Variants in PAX5 observed in about 807,000 individuals in gnomAD.
PAX5 encodes the protein paired box 5.
Under a neutral mutation model 43.7 loss-of-function variants are expected in PAX5, and 9 were observed. The observed-to-expected ratio is 0.21, with a 90% CI of 0.12 to 0.36. The LOEUF (loss-of-function observed/expected upper bound fraction) is 0.36, where lower values mean the gene tolerates loss of function less well. Among genes scored for constraint, PAX5 ranks in the 10% least tolerant of loss-of-function variants. The pLI is 1.00. For synonymous variants in PAX5, 228 were observed against 214.3 expected (o/e 1.06, Z -0.56); for missense variants, 383 against 532.7 (o/e 0.72, Z 2.77).
At chr9:36,946,052 G>A (rs750884075) in intron 6 of PAX5, among the ~76,000 whole-genome samples, 1 of 152,160 alleles carries the variant, frequency 6.6e-6, no homozygotes, top group African/African-American at 2.4e-5. Flanking sequence ...ACTCTGCAGT[G>A]CTCCATCAGG....
At chr9:37,006,423 A>C (rs200041679) in intron 4 of PAX5, 50 bp downstream of exon 4, 1 of 1,319,912 alleles carries the variant, frequency 7.6e-7, no homozygotes, top group Non-Finnish European at 1.1e-6. Flanking sequence ...GTTCTTTAGA[A>C]TATTTGGAGC....
chr9:36,933,373 A>C (rs1277921194), intron 6 of PAX5, among the ~76,000 whole-genome samples: 1 of 152,092 alleles, frequency 6.6e-6, no homozygotes, highest in Non-Finnish European at 1.5e-5. Flanking sequence ...TCATCCCTGC[A>C]TCTTCAGGGA....
intron 8 of PAX5, 138 bp downstream of exon 8, chr9:36,881,866 G>T: frequency 1.4e-6 from 1 of 696,708 alleles, no homozygotes; most frequent in South Asian, 1.7e-5. Context: ...CAGCTGCAGA[G>T]AGTGCAGACC....
intron 7 of PAX5, among the ~76,000 whole-genome samples, chr9:36,903,680 C>T (rs1420163334): frequency 6.6e-6 from 1 of 152,222 alleles, no homozygotes; most frequent in Non-Finnish European, 1.5e-5. Flanking sequence ...TCACCCAGGA[C>T]CTGCTAAGGC....
chr9:36,942,411 C>T (rs553339389), intron 6 of PAX5, among the ~76,000 whole-genome samples: 32 of 152,358 alleles, frequency 2.1e-4, no homozygotes, highest in African/African-American at 7.0e-4. Flanking sequence ...GGAATCATAG[C>T]GTCTGCTTGC....
intron 7 of PAX5, among the ~76,000 whole-genome samples, chr9:36,895,809 G>A (rs995705004): frequency 6.6e-6 from 1 of 152,178 alleles, no homozygotes; most frequent in African/African-American, 2.4e-5. Context: ...AAGTTCCACT[G>A]GGCAAAAAGC....
intron 7 of PAX5, among the ~76,000 whole-genome samples, chr9:36,902,558 C>A (rs1372999214): frequency 6.6e-6 from 1 of 152,188 alleles, no homozygotes; most frequent in Non-Finnish European, 1.5e-5. Context: ...CACTGATGGG[C>A]CCAGCCCTTA....
At chr9:36,880,645 C>G (rs1377069488) in intron 8 of PAX5, among the ~76,000 whole-genome samples, 2 of 152,254 alleles carry the variant, frequency 1.3e-5, no homozygotes, top group Non-Finnish European at 2.9e-5. Flanking sequence ...TCACTGTAAC[C>G]TCTGCTTTCT....
At chr9:36,956,847 GC>G (rs1833524500) in intron 6 of PAX5, among the ~76,000 whole-genome samples, 1 of 152,178 alleles carries the variant, frequency 6.6e-6, no homozygotes, top group Admixed American at 6.5e-5. Flanking sequence ...TGGTCTAGAG[GC>G]ACCCGGCACT....
intron 9 of PAX5, among the ~76,000 whole-genome samples, chr9:36,845,989 T>TG (rs1021519481): frequency 2.4e-4 from 36 of 152,318 alleles, no homozygotes; most frequent in African/African-American, 8.7e-4. Context: ...AGCTGACTGC[T>TG]GGGGGAGGGC....
intron 8 of PAX5, among the ~76,000 whole-genome samples, chr9:36,859,061 G>A (rs1017713996): frequency 1.3e-5 from 2 of 152,156 alleles, no homozygotes; most frequent in Admixed American, 6.5e-5. Context: ...ATTACTACCA[G>A]GACGCTCGGG....
At chr9:36,866,242 G>T (rs950732972) in intron 8 of PAX5, among the ~76,000 whole-genome samples, 2 of 152,256 alleles carry the variant, frequency 1.3e-5, no homozygotes, top group Non-Finnish European at 2.9e-5. Flanking sequence ...CTCAGTTGGG[G>T]TCGTGGTCAG....
intron 6 of PAX5, among the ~76,000 whole-genome samples, chr9:36,960,531 A>G (rs1833874421): frequency 6.6e-6 from 1 of 152,140 alleles, no homozygotes; most frequent in South Asian, 2.1e-4. Flanking sequence ...AACCATGAGG[A>G]ACTCTTATAG....
chr9:36,993,613 C>A (rs1837113681), intron 5 of PAX5, among the ~76,000 whole-genome samples: 1 of 152,214 alleles, frequency 6.6e-6, no homozygotes. Flanking sequence ...TTCTCTGACC[C>A]ACAGGCTATG....
chr9:37,024,503 C>T (rs150095966), intron 1 of PAX5, among the ~76,000 whole-genome samples: 151 of 152,334 alleles, frequency 9.9e-4, no homozygotes, highest in African/African-American at 3.5e-3. Flanking sequence ...GTACCCCCCA[C>T]TCCCCATTGC....
intron 8 of PAX5, among the ~76,000 whole-genome samples, chr9:36,858,902 G>A (rs976388325): frequency 7.2e-5 from 11 of 152,212 alleles, no homozygotes; most frequent in Non-Finnish European, 1.3e-4. Context: ...TAATGAGACG[G>A]AGGGTGAAGG....
chr9:36,880,290 A>C (rs1171143164), intron 8 of PAX5, among the ~76,000 whole-genome samples: 1 of 152,216 alleles, frequency 6.6e-6, no homozygotes, highest in Non-Finnish European at 1.5e-5. Context: ...CGCACATCCA[A>C]GCTCCGTCCA....
rs925547784 is a variant in PAX5 at position 36,838,964 on chromosome 9, A to G, written c.*1596T>C. On this transcript the variant is annotated 3_prime_UTR_variant, in exon 10 of 10. Coordinates refer to ENST00000358127, the MANE Select transcript of PAX5 (RefSeq NM_016734.3). ...TGGCTCTCTGCCATCCTGGTGACAT[A>G]CAGATATGGGGGACATTGTCACCTA... The G allele has an allele frequency of 8.6e-6, 2 of 233,248 alleles. No individual in the cohort carries two copies. The highest frequency in any genetic ancestry group is 2.2e-5 in the African/African-American group (1 of 45,354). 14.4% of individuals were successfully genotyped at this position (233,248 alleles called of 1,614,324 possible).
At chr9:36,959,182 C>T (rs932136325) in intron 6 of PAX5, among the ~76,000 whole-genome samples, 1 of 152,232 alleles carries the variant, frequency 6.6e-6, no homozygotes, top group African/African-American at 2.4e-5. Context: ...CTCTTCCCAC[C>T]AGACCCTTCT....
Sources: allele counts gnomAD v4.1 joint callset (sites outside exome capture counted in the v4.1 genomes callset), GRCh38; gene constraint gnomAD v4.1.1; transcripts MANE v1.5; gene names NCBI Gene and HGNC (gene_info 2026-07-23, HGNC 2026-07-21).